Variants in NAV1 observed in about 807,000 individuals in gnomAD.
NAV1 encodes pore membrane and/or filament interacting like protein 3.
Under a neutral mutation model 175.2 loss-of-function variants are expected in NAV1, and 18 were observed. That is an observed-to-expected ratio of 0.10 (90% CI 0.07 to 0.15). The LOEUF is 0.15. NAV1 is among the 10% of genes least tolerant of loss of function. The probability of loss-of-function intolerance (pLI) is 1.00; values close to 1 mark genes in which losing one functional copy is unlikely to be tolerated. For synonymous variants in NAV1, 897 were observed against 978.7 expected, an observed-to-expected ratio of 0.92 and a Z score of 1.56; for missense variants, 1,731 against 2,436.6, an observed-to-expected ratio of 0.71 and a Z score of 6.10.
At chr1:201,785,278 C>CTT in intron 7 of NAV1, 32 bp from the exon 12 acceptor site, 1 of 1,471,390 alleles carries the variant, frequency 6.8e-7, no homozygotes, top group Non-Finnish European at 9.0e-7. Flanking sequence ...TTCTCTCTCT[C>CTT]TCTCTTTTTT....
At chr1:201,683,359 A>G (rs1176157879) in intron 1 of NAV1, among the ~76,000 whole-genome samples, 1 of 152,130 alleles carries the variant, frequency 6.6e-6, no homozygotes, top group Non-Finnish European at 1.5e-5. Flanking sequence ...GACCGGTTTC[A>G]TGGAATACAA....
intron 3 of NAV1, among the ~76,000 whole-genome samples, chr1:201,763,052 C>G (rs1159695194): frequency 6.6e-6 from 1 of 152,142 alleles, no homozygotes; most frequent in Non-Finnish European, 1.5e-5. Context: ...CAGGCCCTCT[C>G]CAATAAAAAT....
Position 201,694,737 on chromosome 1 carries a change from G to A in NAV1, c.758-18080G>A, listed in dbSNP as rs533831856. Among the ~76,000 whole-genome samples, 1 of 152,330 alleles carries A rather than the reference G, an allele frequency of 6.6e-6. No individual in the cohort carries two copies. The highest frequency in any genetic ancestry group is 2.1e-4 in the South Asian group (1 of 4,824). On this transcript the variant is annotated intron_variant, in intron 1 of 29. Transcript: ENST00000367296. The surrounding 1 kb of genome is among the most constrained non-coding windows in gnomAD (Gnocchi z 4.2). ...TTCATTGAAAGTCAGGGATGGGCGA[G>A]ATGCAGTCTCCAGAGTGACGCAGTG... is the stretch of plus-strand genomic sequence containing the variant.
chr1:201,559,825 C>T (rs1403204641), intron 1 of NAV1, among the ~76,000 whole-genome samples: 1 of 152,304 alleles, frequency 6.6e-6, no homozygotes, highest in East Asian at 1.9e-4. Flanking sequence ...CTTCCTGTTG[C>T]CGCCACCAGA....
rs572839947 is a variant in NAV1 at position 201,654,502 on chromosome 1, A to T, written c.757+5077A>T. On this transcript the variant is annotated intron_variant, in intron 1 of 29. Transcript: ENST00000367296. The stretch of plus-strand genomic sequence containing the variant: ...TCTCTGCAGCTATCCTTCCACACAC[A>T]TATACCGCACCTCACAGCCTCTGAC... Among the ~76,000 whole-genome samples the T allele has an allele frequency of 2.7e-5, 4 of 150,296 alleles. No homozygotes were observed. The East Asian group carries it at 8.0e-4, about 30-fold the overall frequency.
At chr1:201,599,765 G>A (rs1366457181) in intron 2 of NAV1, among the ~76,000 whole-genome samples, 2 of 152,204 alleles carry the variant, frequency 1.3e-5, no homozygotes, top group South Asian at 4.1e-4. Context: ...AGGGACAGGG[G>A]GAGGGAGGGA....
intron 1 of NAV1, among the ~76,000 whole-genome samples, chr1:201,550,448 A>G (rs1665824581): frequency 6.6e-6 from 1 of 152,216 alleles, no homozygotes; most frequent in Admixed American, 6.5e-5. Context: ...TTCAGATCAC[A>G]AGGGTGAACC....
Position 201,812,066 on chromosome 1 carries a change from AAG to A in NAV1, c.5024+96_5024+97del. On this transcript the variant is annotated intron_variant, in intron 26 of 29. Coordinates refer to ENST00000367296, the Ensembl canonical transcript of NAV1. This position sits in a 1 kb window ranked among gnomAD's most constrained non-coding sequence, Gnocchi z 4.6. ...CAGGAGGCAGTAGATAGGAGAAGGA[AAG>A]AGAAGTATCCAGAGCTTTTTGGGCT... 8.1e-7 allele frequency: 1 copy of A among 1,234,376 alleles called. No individual in the cohort carries two copies. The highest frequency in any genetic ancestry group is 1.2e-6 in the Non-Finnish European group (1 of 838,254). The allele number at this position is 1,234,376 out of a possible 1,614,324, so 76.5% of individuals were successfully genotyped here.
intron 1 of NAV1, among the ~76,000 whole-genome samples, chr1:201,702,766 T>C (rs1039236861): frequency 2.7e-5 from 4 of 149,986 alleles, no homozygotes. Flanking sequence ...TATTGGACTA[T>C]GCGCTCTAGA....
chr1:201,751,521 A>C (rs1040819569), intron 3 of NAV1, among the ~76,000 whole-genome samples: 2 of 152,222 alleles, frequency 1.3e-5, no homozygotes, highest in Admixed American at 6.5e-5. Flanking sequence ...TGGAAAGTGC[A>C]TCAGTAAGGA....
chr1:201,595,615 G>A (rs1391449509), intron 2 of NAV1, among the ~76,000 whole-genome samples: 1 of 152,256 alleles, frequency 6.6e-6, no homozygotes, highest in Non-Finnish European at 1.5e-5. Flanking sequence ...GGCCAGGGTA[G>A]GGGCAGGCAG....
intron 1 of NAV1, among the ~76,000 whole-genome samples, chr1:201,561,874 G>A (rs1262460359): frequency 2.0e-5 from 3 of 152,210 alleles, no homozygotes; most frequent in African/African-American, 7.2e-5. Flanking sequence ...AGGGCCCTTA[G>A]GCAGTAAGCT....
In NAV1 at chr1:201,689,321, A is replaced by T. The variant is rs654631; in HGVS notation, c.758-23496A>T. ...GATTGCATCTAGGCCGCTACAGGAC[A>T]GTTTTATAGGTTGCTTCTTTTTTCC... On this transcript the variant is annotated intron_variant, in intron 1 of 29. Transcript: ENST00000367296. Among the ~76,000 whole-genome samples, 2 of 152,150 alleles carry T rather than the reference A, an allele frequency of 1.3e-5. 1 individual carries two copies. Among genetic ancestry groups the T allele is most frequent in the South Asian group, 4.1e-4 (2 of 4,826 alleles).
intron 1 of NAV1, among the ~76,000 whole-genome samples, chr1:201,549,077 CTCTT>C (rs200725995): frequency 0.24 from 30,591 of 129,722 alleles, 3,476 homozygotes; most frequent in Middle Eastern, 0.27. Context: ...TTCTAGTTTT[CTCTT>C]TCTTTCTTTC....
chr1:201,608,685 C>A (rs575300447), intron 2 of NAV1, among the ~76,000 whole-genome samples: 1 of 151,140 alleles, frequency 6.6e-6, no homozygotes, highest in East Asian at 2.0e-4. Flanking sequence ...CGCCCTGGAG[C>A]CTCACAGCTC....
intron 2 of NAV1, among the ~76,000 whole-genome samples, chr1:201,636,258 C>A (rs1486439727): frequency 6.6e-6 from 1 of 152,212 alleles, no homozygotes; most frequent in African/African-American, 2.4e-5. Context: ...CCTCCAGCAC[C>A]ACTGAATGGG....
intron 3 of NAV1, among the ~76,000 whole-genome samples, chr1:201,758,794 C>T (rs915209452): frequency 3.9e-5 from 6 of 152,174 alleles, no homozygotes; most frequent in Non-Finnish European, 8.8e-5. Context: ...TGTGACCACC[C>T]CTAACTTCAT....
At chr1:201,607,854 TATA>T (rs1217506947) in intron 2 of NAV1, among the ~76,000 whole-genome samples, 4 of 149,012 alleles carry the variant, frequency 2.7e-5, no homozygotes, top group Non-Finnish European at 4.4e-5. Context: ...AAATATATAG[TATA>T]ATGATAACTT....
At chr1:201,649,042 T>C (rs1669084661) in exon 1 of NAV1, 2 of 1,613,444 alleles carry the variant, frequency 1.2e-6, no homozygotes, top group Non-Finnish European at 1.7e-6. Flanking sequence ...TTAGGCAAGG[T>C]GGGGTCCAAG....
Sources: allele counts gnomAD v4.1 joint callset (sites outside exome capture counted in the v4.1 genomes callset), GRCh38; gene constraint gnomAD v4.1.1; non-coding constraint Gnocchi (gnomAD v3.1); transcripts MANE v1.5; gene names NCBI Gene and HGNC (gene_info 2026-07-23, HGNC 2026-07-21).